Variants in RIMS2 observed in about 807,000 individuals in gnomAD.
RIMS2 encodes the protein regulating synaptic membrane exocytosis 2, also known as regulating synaptic membrane exocytosis protein 2.
Under a neutral mutation model 174.4 loss-of-function variants are expected in RIMS2, and 59 were observed. The ratio of observed to expected loss-of-function variants is 0.34; its 90% CI spans 0.27 to 0.42. RIMS2 has a LOEUF of 0.42. Among genes scored for constraint, RIMS2 ranks in the 10% least tolerant of loss-of-function variants. The probability of loss-of-function intolerance (pLI) is 1.00; values close to 1 mark genes in which losing one functional copy is unlikely to be tolerated. For synonymous variants in RIMS2, 606 were observed against 572.5 expected (o/e 1.06, Z -0.84); for missense variants, 1,620 against 1,666.3 (o/e 0.97, Z 0.48).
intron 3 of RIMS2, among the ~76,000 whole-genome samples, chr8:103,788,114 A>T (rs1476568862): frequency 1.3e-5 from 2 of 150,520 alleles, no homozygotes; most frequent in South Asian, 4.3e-4. Flanking sequence ...CTTGGTTTTC[A>T]GCTCCATCAG....
At chr8:103,936,590 A>G in exon 13 of RIMS2, 1 of 1,601,078 alleles carries the variant, frequency 6.2e-7, no homozygotes, top group Non-Finnish European at 8.5e-7. Context: ...TAAAGAAAAC[A>G]TTGGAACCCA....
intron 19 of RIMS2, among the ~76,000 whole-genome samples, chr8:104,226,962 A>G (rs980230279): frequency 1.3e-5 from 2 of 152,198 alleles, no homozygotes; most frequent in Admixed American, 6.5e-5. Flanking sequence ...CAATAATAAA[A>G]GTTTCCATTC....
chr8:103,800,609 G>A (rs1021403551), intron 3 of RIMS2, among the ~76,000 whole-genome samples: 10 of 152,004 alleles, frequency 6.6e-5, no homozygotes, highest in South Asian at 2.1e-4. Context: ...TTCCTCTTTC[G>A]TCTCTTTATA....
chr8:103,674,955 ATTAT>A (rs1936276625), intron 1 of RIMS2, among the ~76,000 whole-genome samples: 2 of 152,018 alleles, frequency 1.3e-5, no homozygotes, highest in African/African-American at 2.4e-5. Flanking sequence ...TCATTTTTTG[ATTAT>A]TTGTTACTTA....
chr8:103,682,562 T>C (rs1014315492), intron 1 of RIMS2, among the ~76,000 whole-genome samples: 3 of 152,078 alleles, frequency 2.0e-5, no homozygotes, highest in African/African-American at 2.4e-5. Context: ...GTGCCTGGCA[T>C]GAGGAAGCAG....
chr8:103,861,494 C>T (rs2099058925), intron 3 of RIMS2, among the ~76,000 whole-genome samples: 2 of 152,202 alleles, frequency 1.3e-5, no homozygotes, highest in East Asian at 1.9e-4. Context: ...TGGGTAGACA[C>T]CCAGTAGTGC....
intron 17 of RIMS2, among the ~76,000 whole-genome samples, chr8:103,997,230 G>C (rs796293429): frequency 6.6e-6 from 1 of 151,920 alleles, no homozygotes; most frequent in African/African-American, 2.4e-5. Flanking sequence ...AGATTAGCAA[G>C]GGTTTTATTT....
At chr8:104,151,089 G>T (rs183257371) in intron 19 of RIMS2, among the ~76,000 whole-genome samples, 2 of 152,250 alleles carry the variant, frequency 1.3e-5, no homozygotes, top group East Asian at 3.9e-4. Context: ...TAAGCCAGCC[G>T]TAATAAAGAT....
chr8:103,808,243 T>C (rs1280401033), intron 3 of RIMS2, among the ~76,000 whole-genome samples: 1 of 152,122 alleles, frequency 6.6e-6, no homozygotes, highest in Non-Finnish European at 1.5e-5. Flanking sequence ...TTTATTGTCT[T>C]CCGGGCTACC....
intron 3 of RIMS2, among the ~76,000 whole-genome samples, chr8:103,821,917 A>G (rs985085524): frequency 1.1e-4 from 17 of 151,674 alleles, no homozygotes; most frequent in South Asian, 2.1e-4. Context: ...GGACCTTTCA[A>G]TTAGACATCT....
At chr8:103,547,075 C>T (rs1181030215) in intron 1 of RIMS2, among the ~76,000 whole-genome samples, 5 of 152,106 alleles carry the variant, frequency 3.3e-5, no homozygotes, top group South Asian at 2.1e-4. Context: ...TTGACCAAGT[C>T]GGCAGAATTC....
intron 1 of RIMS2, among the ~76,000 whole-genome samples, chr8:103,608,587 A>G (rs1356756282): frequency 6.8e-6 from 1 of 148,028 alleles, no homozygotes; most frequent in Non-Finnish European, 1.5e-5. Context: ...CCCCTCCCCC[A>G]GCCTCGCTGC....
intron 19 of RIMS2, among the ~76,000 whole-genome samples, chr8:104,184,822 C>T (rs2098959616): frequency 6.6e-6 from 1 of 151,498 alleles, no homozygotes; most frequent in Admixed American, 6.6e-5. Flanking sequence ...TCAATTGACA[C>T]TCATCTGCCT....
At chr8:104,204,557 G>T (rs890525776) in intron 19 of RIMS2, among the ~76,000 whole-genome samples, 2 of 151,890 alleles carry the variant, frequency 1.3e-5, no homozygotes, top group East Asian at 1.9e-4. Context: ...TACAGAGAGT[G>T]CTCATAAAAA....
intron 1 of RIMS2, among the ~76,000 whole-genome samples, chr8:103,599,487 G>A (rs1230242899): frequency 1.3e-5 from 2 of 150,542 alleles, no homozygotes; most frequent in African/African-American, 4.9e-5. Context: ...TGCCCTGATT[G>A]TCATGCAGGG....
intron 19 of RIMS2, among the ~76,000 whole-genome samples, chr8:104,165,213 G>A (rs1292199705): frequency 6.6e-6 from 1 of 152,100 alleles, no homozygotes; most frequent in Non-Finnish European, 1.5e-5. Flanking sequence ...ATGTTTGATT[G>A]TGATGAACAC....
intron 1 of RIMS2, among the ~76,000 whole-genome samples, chr8:103,537,354 A>AT (rs1840292547): frequency 6.6e-6 from 1 of 152,204 alleles, no homozygotes; most frequent in Non-Finnish European, 1.5e-5. Flanking sequence ...GAAAAATGTG[A>AT]TTTTTGGAAT....
intron 1 of RIMS2, chr8:103,569,016 G>A (rs1431931912): frequency 6.5e-6 from 3 of 459,712 alleles, no homozygotes; most frequent in Non-Finnish European, 1.2e-5. Flanking sequence ...TCTTGATGGA[G>A]GCCTTTGCAC....
chr8:103,719,354 A>G (rs1438874400), intron 2 of RIMS2, among the ~76,000 whole-genome samples: 1 of 152,188 alleles, frequency 6.6e-6, no homozygotes, highest in African/African-American at 2.4e-5. Context: ...AAACATTCCT[A>G]ATGGAAACAC....
Sources: gnomAD v4.1 joint callset for allele counts (sites outside exome capture counted in the v4.1 genomes callset) on GRCh38, gnomAD v4.1.1 for gene constraint, MANE v1.5 for transcripts, NCBI Gene and HGNC (gene_info 2026-07-23, HGNC 2026-07-21) for gene names.